The following EXOC4 variants were observed in gnomAD, a reference collection of about 807,000 sequenced individuals.
EXOC4 encodes exocyst complex component 4, also known as SEC8-like 1.
In EXOC4, 71 loss-of-function variants were observed where a neutral mutation model predicts 107.2. The ratio of observed to expected loss-of-function variants is 0.66; its 90% CI spans 0.55 to 0.81. The LOEUF (loss-of-function observed/expected upper bound fraction) is 0.81. EXOC4 is among the 30% of genes least tolerant of loss of function. The pLI, the probability that EXOC4 is intolerant of heterozygous loss-of-function variation, is 0.00. For missense variants in EXOC4, 1,108 were observed against 1,189.6 expected, an observed-to-expected ratio of 0.93 and a Z score of 1.01; for synonymous variants, 456 against 441.2, an observed-to-expected ratio of 1.03 and a Z score of -0.42.
intron 9 of EXOC4, among the ~76,000 whole-genome samples, chr7:133,490,959 G>A (rs926249902): frequency 6.6e-6 from 1 of 152,128 alleles, no homozygotes; most frequent in African/African-American, 2.4e-5. Flanking sequence ...GGAAATATTG[G>A]TAGGGCCCAC....
chr7:133,277,124 G>T (rs894302632), intron 2 of EXOC4, among the ~76,000 whole-genome samples: 1 of 152,130 alleles, frequency 6.6e-6, no homozygotes, highest in African/African-American at 2.4e-5. Context: ...ACCACGCCTG[G>T]CTATAACTGG....
chr7:134,014,805 AAG>A (rs1794863849), intron 17 of EXOC4, among the ~76,000 whole-genome samples: 1 of 152,180 alleles, frequency 6.6e-6, no homozygotes, highest in Admixed American at 6.5e-5. Context: ...TTAAAAAAAA[AAG>A]AGGTTGAGTT....
chr7:133,420,609 G>A (rs1229679204), intron 7 of EXOC4, among the ~76,000 whole-genome samples: 6 of 152,088 alleles, frequency 3.9e-5, no homozygotes, highest in African/African-American at 9.7e-5. Context: ...ACACAAAAGC[G>A]TGGACAGTAG....
At chr7:133,414,420 A>C (rs1012568305) in intron 7 of EXOC4, among the ~76,000 whole-genome samples, 40 of 152,186 alleles carry the variant, frequency 2.6e-4, no homozygotes, top group African/African-American at 8.7e-4. Flanking sequence ...TATCTGGTAA[A>C]GTTGAAGATG....
intron 11 of EXOC4, among the ~76,000 whole-genome samples, chr7:133,843,191 T>C (rs1033691412): frequency 1.1e-4 from 16 of 152,328 alleles, no homozygotes; most frequent in Admixed American, 9.2e-4. Context: ...AGTTTTTTTT[T>C]CTAATTCTGT....
chr7:133,475,523 T>C, intron 8 of EXOC4, 50 bp downstream of exon 8: 1 of 1,515,762 alleles, frequency 6.6e-7, no homozygotes, highest in Non-Finnish European at 9.1e-7. Context: ...TAGACTGAAG[T>C]AAGATGACTT....
chr7:133,665,263 A>G (rs1793786443), intron 10 of EXOC4, among the ~76,000 whole-genome samples: 2 of 152,144 alleles, frequency 1.3e-5, no homozygotes, highest in South Asian at 2.1e-4. Flanking sequence ...TGACTTTTAC[A>G]TGGTTAACTG....
intron 7 of EXOC4, among the ~76,000 whole-genome samples, chr7:133,452,525 C>A (rs1018746344): frequency 7.3e-5 from 11 of 149,830 alleles, no homozygotes; most frequent in African/African-American, 2.7e-4. Context: ...CCATCTACCC[C>A]CAATAGCCTC....
chr7:134,073,137 T>C, the EXOC4 span, among the ~76,000 whole-genome samples: 1,445 of 130,772 alleles, frequency 0.011, 17 homozygotes, highest in East Asian at 0.032. Flanking sequence ...ACCTGGGAGA[T>C]GGAGGTTGCA....
chr7:133,442,166 A>G (rs1798119923), intron 7 of EXOC4, among the ~76,000 whole-genome samples: 1 of 152,060 alleles, frequency 6.6e-6, no homozygotes, highest in Non-Finnish European at 1.5e-5. Context: ...CCTGCCATTG[A>G]TGGTTTGAAA....
intron 10 of EXOC4, among the ~76,000 whole-genome samples, chr7:133,809,124 T>C (rs1797153673): frequency 6.6e-6 from 1 of 152,198 alleles, no homozygotes; most frequent in African/African-American, 2.4e-5. Flanking sequence ...AGGCTTGTTT[T>C]TACTGTTGTT....
chr7:133,930,271 G>A (rs10258435), intron 13 of EXOC4, among the ~76,000 whole-genome samples: 3,129 of 152,160 alleles, frequency 0.021, 98 homozygotes, highest in African/African-American at 0.067. Flanking sequence ...AAGTCCTAGC[G>A]CCTAAAGAAA....
chr7:133,374,900 G>A lies in EXOC4; in HGVS notation c.1080G>A (p.Leu360=). 1 of 1,613,988 alleles carries A rather than the reference G, an allele frequency of 6.2e-7. No individual in the cohort carries two copies. Among genetic ancestry groups the A allele is most frequent in the Non-Finnish European group, 8.5e-7 (1 of 1,179,916 alleles). ...NAVAAAHSVV[L]GYLQDTVVTP... ...TAGCCGCTGCACACTCTGTGGTCCT[G>A]GGATACCTGCAGGACACTGTAGTGA... Residue 360 remains leucine, a synonymous_variant, in exon 7 of 18, where the codon CTG becomes CTA. Transcript: ENST00000253861.
At chr7:133,382,547 G>A (rs912449695) in intron 7 of EXOC4, among the ~76,000 whole-genome samples, 3 of 152,102 alleles carry the variant, frequency 2.0e-5, no homozygotes, top group Admixed American at 1.3e-4. Context: ...CTTGTTGGAG[G>A]AGTGTTCTTT....
At chr7:133,598,695 C>T (rs1411250353) in intron 9 of EXOC4, among the ~76,000 whole-genome samples, 1 of 152,096 alleles carries the variant, frequency 6.6e-6, no homozygotes, top group Non-Finnish European at 1.5e-5. Context: ...GTATAAAATG[C>T]AAACTGGGCC....
chr7:133,501,965 A>G (rs935465285), intron 9 of EXOC4, among the ~76,000 whole-genome samples: 1 of 152,192 alleles, frequency 6.6e-6, no homozygotes, highest in African/African-American at 2.4e-5. Flanking sequence ...TATTAAAACC[A>G]GGGCGATTTA....
At chr7:133,835,012 A>G (rs1797888328) in intron 11 of EXOC4, among the ~76,000 whole-genome samples, 1 of 152,116 alleles carries the variant, frequency 6.6e-6, no homozygotes, top group Non-Finnish European at 1.5e-5. Context: ...GCTGCCATCC[A>G]TGTAAGATGT....
At chr7:133,323,301 G>A (rs1241796189) in intron 5 of EXOC4, among the ~76,000 whole-genome samples, 3 of 152,106 alleles carry the variant, frequency 2.0e-5, no homozygotes, top group African/African-American at 7.2e-5. Context: ...GTTTTCAAAG[G>A]GAATGCTTCC....
At chr7:133,823,078 A>G (rs1464196905) in intron 11 of EXOC4, among the ~76,000 whole-genome samples, 1 of 152,222 alleles carries the variant, frequency 6.6e-6, no homozygotes, top group Admixed American at 6.5e-5. Context: ...TCTAATGCTC[A>G]GGCTTAAACT....
Sources: gnomAD v4.1 joint callset for allele counts (sites outside exome capture counted in the v4.1 genomes callset) on GRCh38, gnomAD v4.1.1 for gene constraint, MANE v1.5 for transcripts, NCBI Gene and HGNC (gene_info 2026-07-23, HGNC 2026-07-21) for gene names.